Variants in ANK2 observed in about 807,000 individuals in gnomAD.
ANK2 encodes ankyrin 2.
A neutral mutation model predicts 360.5 loss-of-function variants in ANK2; 83 were observed. The observed-to-expected ratio is 0.23, with a 90% CI of 0.19 to 0.28. The LOEUF (loss-of-function observed/expected upper bound fraction) is 0.28, where lower values mean the gene tolerates loss of function less well. ANK2 is among the 10% of genes least tolerant of loss of function. ANK2 has a pLI of 1.00. For synonymous variants in ANK2, 1,740 were observed against 1,759.5 expected (o/e 0.99, Z 0.28); for missense variants, 4,201 against 4,795.7 (o/e 0.88, Z 3.66).
the ANK2 span, among the ~76,000 whole-genome samples, chr4:112,778,611 G>T: frequency 2.0e-3 from 304 of 152,288 alleles, 5 homozygotes; most frequent in Admixed American, 0.019. Flanking sequence ...GTCATTTCTC[G>T]CTGCTCTGAA....
intron 2 of ANK2, among the ~76,000 whole-genome samples, chr4:112,944,939 A>C (rs139297958): frequency 2.2e-3 from 334 of 152,344 alleles, no homozygotes; most frequent in African/African-American, 7.3e-3. Context: ...TCTTAGACCA[A>C]GAGTGTGATA....
Position 113,117,138 on chromosome 4 carries a change from G to A in ANK2, c.85-57278G>A, listed in dbSNP as rs914433615. 3 of 369,690 alleles carry A rather than the reference G, an allele frequency of 8.1e-6. No individual in the cohort carries two copies. The East Asian group carries it at 2.2e-4, about 27-fold the overall frequency. 22.9% of individuals were successfully genotyped at this position (369,690 alleles called of 1,614,324 possible). A position where few individuals can be genotyped will look rare whatever the true frequency, so the allele number is the denominator to read the frequency against. ...CTGGAGCAAGATTATGACCTAGCTC[G>A]GGGGCGGAGTGGATTATCTTGTGAG... On this transcript the variant is annotated intron_variant, in intron 1 of 45. Coordinates refer to ENST00000357077, the MANE Select transcript of ANK2 (RefSeq NM_001148.6).
chr4:113,283,956 C>T (rs895044067), intron 18 of ANK2, among the ~76,000 whole-genome samples: 1 of 152,192 alleles, frequency 6.6e-6, no homozygotes, highest in Admixed American at 6.5e-5. Flanking sequence ...AGCTATGAAA[C>T]AGGCAGATTG....
chr4:112,886,662 AAAAC>A (rs370716619), intron 1 of ANK2, among the ~76,000 whole-genome samples: 2 of 152,136 alleles, frequency 1.3e-5, no homozygotes, highest in Non-Finnish European at 2.9e-5. Flanking sequence ...ACTCTGTCTC[AAAAC>A]AAACAAACAA....
intron 1 of ANK2, among the ~76,000 whole-genome samples, chr4:112,824,927 T>A (rs1445159886): frequency 6.6e-6 from 1 of 152,226 alleles, no homozygotes; most frequent in Non-Finnish European, 1.5e-5. Flanking sequence ...AAAAACCAGT[T>A]CTGTATATAT....
chr4:113,136,760 G>A (rs1427773181), intron 1 of ANK2, among the ~76,000 whole-genome samples: 1 of 113,522 alleles, frequency 8.8e-6, no homozygotes, highest in Non-Finnish European at 1.8e-5. Context: ...AAGGATTTTG[G>A]CTTTTTTTTT....
chr4:113,240,621 AAATG>A, intron 8 of ANK2, 38 bp downstream of exon 8: 1 of 1,529,580 alleles, frequency 6.5e-7, no homozygotes, highest in Non-Finnish European at 9.1e-7. Flanking sequence ...AGATAGCAGT[AAATG>A]AATATTTTAA....
intron 20 of ANK2, among the ~76,000 whole-genome samples, chr4:113,288,765 C>T (rs187968329): frequency 1.3e-5 from 2 of 152,292 alleles, no homozygotes; most frequent in Admixed American, 1.3e-4. Context: ...CCGGCTAGAA[C>T]ATCTTGATGT....
intron 1 of ANK2, among the ~76,000 whole-genome samples, chr4:113,173,862 C>G (rs1183557823): frequency 6.6e-6 from 1 of 152,130 alleles, no homozygotes; most frequent in East Asian, 1.9e-4. Flanking sequence ...AGTGCTATCC[C>G]CTTTCCTCAA....
intron 1 of ANK2, among the ~76,000 whole-genome samples, chr4:112,888,961 G>A (rs564958080): frequency 7.3e-4 from 111 of 152,218 alleles, no homozygotes; most frequent in African/African-American, 2.6e-3. Flanking sequence ...CTTGTTAATA[G>A]TGATAGAAAA....
rs112006349 is a variant in ANK2 at position 113,170,783 on chromosome 4, G to T, written c.85-3633G>T. ...ATATTCAGATACAAGACAACATACA[G>T]AACTGTGTCAAGAATAATTTAATGG... On this transcript the variant is annotated intron_variant, in intron 1 of 45. Coordinates refer to ENST00000357077, the MANE Select transcript of ANK2 (RefSeq NM_001148.6). Among the ~76,000 whole-genome samples, 407 of 152,276 alleles carry T rather than the reference G, an allele frequency of 2.7e-3. 1 individual carries two copies. The highest frequency in any genetic ancestry group is 9.5e-3 in the African/African-American group (394 of 41,564).
intron 2 of ANK2, among the ~76,000 whole-genome samples, chr4:112,914,054 A>G (rs2088786014): frequency 6.6e-6 from 1 of 151,888 alleles, no homozygotes; most frequent in African/African-American, 2.4e-5. Context: ...GTAGATTTTT[A>G]TTACCCTCCT....
chr4:113,148,848 G>C (rs79209440), intron 1 of ANK2, among the ~76,000 whole-genome samples: 2,268 of 152,290 alleles, frequency 0.015, 52 homozygotes, highest in African/African-American at 0.051. Context: ...CAAAGAAGAG[G>C]ACGGATGGCA....
chr4:113,038,347 A>AATATCAAAC (rs2062073515), intron 2 of ANK2, among the ~76,000 whole-genome samples: 2 of 152,052 alleles, frequency 1.3e-5, no homozygotes, highest in Non-Finnish European at 2.9e-5. Flanking sequence ...TTGACCCAGT[A>AATATCAAAC]ATATGTAATC....
At chr4:112,824,847 T>G (rs2058055071) in intron 1 of ANK2, among the ~76,000 whole-genome samples, 1 of 152,148 alleles carries the variant, frequency 6.6e-6, no homozygotes, top group Non-Finnish European at 1.5e-5. Flanking sequence ...AAAGAAGCCA[T>G]GGAATTCTAT....
chr4:113,159,317 T>G (rs2097425635), intron 1 of ANK2, among the ~76,000 whole-genome samples: 1 of 151,972 alleles, frequency 6.6e-6, no homozygotes, highest in South Asian at 2.1e-4. Context: ...TGAAGAGAGA[T>G]ACATTTTATA....
chr4:112,872,232 G>A (rs573270663), intron 1 of ANK2, among the ~76,000 whole-genome samples: 171 of 151,950 alleles, frequency 1.1e-3, no homozygotes, highest in African/African-American at 3.9e-3. Flanking sequence ...GTCTTGCTAC[G>A]TTGCCTAGGC....
intron 1 of ANK2, among the ~76,000 whole-genome samples, chr4:113,147,514 A>C (rs1486934365): frequency 6.6e-6 from 1 of 152,232 alleles, no homozygotes; most frequent in East Asian, 1.9e-4. Context: ...ACTGGAGCAT[A>C]TCATGATTGG....
chr4:112,981,771 A>C (rs906782886), intron 2 of ANK2, among the ~76,000 whole-genome samples: 1 of 152,334 alleles, frequency 6.6e-6, no homozygotes, highest in Admixed American at 6.5e-5. Context: ...GGTCTAAAGA[A>C]AGGAAGTTTG....
Sources: gnomAD v4.1 joint callset for allele counts (sites outside exome capture counted in the v4.1 genomes callset) on GRCh38, gnomAD v4.1.1 for gene constraint, MANE v1.5 for transcripts, NCBI Gene and HGNC (gene_info 2026-07-23, HGNC 2026-07-21) for gene names.